The following ANKS1B variants were observed in gnomAD, a reference collection of about 807,000 sequenced individuals.
ANKS1B encodes the protein ankyrin repeat and sterile alpha motif domain containing 1B, also known as ankyrin repeat and sterile alpha motif domain-containing protein 1B.
A neutral mutation model predicts 148.3 loss-of-function variants in ANKS1B; 36 were observed. The ratio of observed to expected loss-of-function variants is 0.24; its 90% confidence interval spans 0.19 to 0.32. The LOEUF is 0.32. ANKS1B is among the 10% of genes least tolerant of loss of function. The pLI is 1.00. For synonymous variants in ANKS1B, 542 were observed against 560.8 expected, an observed-to-expected ratio of 0.97 and a Z score of 0.47; for missense variants, 1,157 against 1,542.6, an observed-to-expected ratio of 0.75 and a Z score of 4.19.
chr12:99,220,449 C>CTTTTTTT (rs5800380), intron 14 of ANKS1B, among the ~76,000 whole-genome samples: 3 of 112,712 alleles, frequency 2.7e-5, no homozygotes, highest in Non-Finnish European at 3.6e-5. Flanking sequence ...AGTAGCATTT[C>CTTTTTTT]TTTTTTTTTT....
intron 9 of ANKS1B, among the ~76,000 whole-genome samples, chr12:99,616,944 A>C (rs758385873): frequency 3.3e-5 from 5 of 151,298 alleles, no homozygotes; most frequent in Non-Finnish European, 5.9e-5. Flanking sequence ...AATTTACAAG[A>C]AAAAAAAACA....
At chr12:99,319,476 G>C (rs932350402) in intron 12 of ANKS1B, among the ~76,000 whole-genome samples, 1 of 152,190 alleles carries the variant, frequency 6.6e-6, no homozygotes, top group Non-Finnish European at 1.5e-5. Context: ...TGTTTTATCA[G>C]AGACTAGGAC....
At chr12:99,206,600 C>T (rs2712660) in intron 14 of ANKS1B, among the ~76,000 whole-genome samples, 129,079 of 152,180 alleles carry the variant, frequency 0.85, 55,304 homozygotes, top group East Asian at 0.99. Flanking sequence ...TCTTCCACCC[C>T]GAAGGTAAAA....
At chr12:99,782,791 T>A (rs1176039335) in intron 4 of ANKS1B, among the ~76,000 whole-genome samples, 1 of 152,188 alleles carries the variant, frequency 6.6e-6, no homozygotes, top group Non-Finnish European at 1.5e-5. Flanking sequence ...CCTCATATAT[T>A]CACATTCTAT....
intron 11 of ANKS1B, among the ~76,000 whole-genome samples, chr12:99,418,145 T>C (rs2152702228): frequency 6.6e-6 from 1 of 152,192 alleles, no homozygotes; most frequent in Non-Finnish European, 1.5e-5. Context: ...AGCACAACAC[T>C]CAATGGTATA....
intron 17 of ANKS1B, among the ~76,000 whole-genome samples, chr12:98,845,781 C>T (rs1045498603): frequency 2.7e-5 from 4 of 150,726 alleles, no homozygotes; most frequent in African/African-American, 7.3e-5. Flanking sequence ...TTCAATGCTG[C>T]GTATTAACAT....
At chr12:98,870,726 C>T (rs1211511608) in intron 17 of ANKS1B, among the ~76,000 whole-genome samples, 1 of 152,258 alleles carries the variant, frequency 6.6e-6, no homozygotes, top group African/African-American at 2.4e-5. Flanking sequence ...TTCTGTCCAG[C>T]ACACAGCCTC....
chr12:99,174,872 G>A (rs2078197074), intron 14 of ANKS1B, among the ~76,000 whole-genome samples: 1 of 152,074 alleles, frequency 6.6e-6, no homozygotes, highest in Admixed American at 6.6e-5. Flanking sequence ...AATAGTCATT[G>A]AATTCCTCTT....
chr12:99,149,873 G>A (rs915049837), intron 15 of ANKS1B, among the ~76,000 whole-genome samples: 2 of 152,106 alleles, frequency 1.3e-5, no homozygotes, highest in African/African-American at 2.4e-5. Flanking sequence ...GAGCGATGGT[G>A]ATTATGTGAA....
chr12:99,953,593 G>GA (rs5800394), intron 1 of ANKS1B, among the ~76,000 whole-genome samples: 10,411 of 142,202 alleles, frequency 0.073, 412 homozygotes, highest in Non-Finnish European at 0.084. Flanking sequence ...GTTGTTTAAG[G>GA]AAAAAAAAAA....
intron 15 of ANKS1B, among the ~76,000 whole-genome samples, chr12:99,103,521 T>C (rs993988486): frequency 3.3e-5 from 5 of 152,246 alleles, no homozygotes; most frequent in African/African-American, 1.2e-4. Context: ...TCATCTTACA[T>C]ATACATTTTT....
intron 10 of ANKS1B, among the ~76,000 whole-genome samples, chr12:99,495,243 C>T (rs1270941113): frequency 1.3e-5 from 2 of 152,098 alleles, no homozygotes; most frequent in African/African-American, 2.4e-5. Context: ...ATCAAATCAT[C>T]AACCTAGCAG....
At chr12:99,385,470 A>G (rs2093822361) in intron 12 of ANKS1B, among the ~76,000 whole-genome samples, 1 of 152,200 alleles carries the variant, frequency 6.6e-6, no homozygotes, top group Non-Finnish European at 1.5e-5. Context: ...CTGTGTCAAA[A>G]GTAATAATAA....
intron 17 of ANKS1B, among the ~76,000 whole-genome samples, chr12:98,833,153 C>G (rs1051606888): frequency 1.3e-5 from 2 of 152,130 alleles, no homozygotes; most frequent in African/African-American, 2.4e-5. Context: ...ATTCCCGGTG[C>G]TTTACCAGGG....
intron 8 of ANKS1B, among the ~76,000 whole-genome samples, chr12:99,733,358 A>C (rs2059343260): frequency 6.6e-6 from 1 of 152,168 alleles, no homozygotes; most frequent in Non-Finnish European, 1.5e-5. Context: ...AAAGCCTGAA[A>C]CTGAACTACA....
intron 14 of ANKS1B, among the ~76,000 whole-genome samples, chr12:99,233,705 G>A (rs1291313899): frequency 1.3e-5 from 2 of 152,026 alleles, no homozygotes; most frequent in Non-Finnish European, 2.9e-5. Context: ...TCTTAGTCCT[G>A]GACAGTTGAC....
intron 12 of ANKS1B, among the ~76,000 whole-genome samples, chr12:99,345,890 C>G (rs1478557553): frequency 6.6e-6 from 1 of 151,920 alleles, no homozygotes; most frequent in East Asian, 1.9e-4. Context: ...CACGGATAAC[C>G]TTCACAAAAT....
At chr12:99,348,803 C>T (rs1000043523) in intron 12 of ANKS1B, among the ~76,000 whole-genome samples, 13 of 151,962 alleles carry the variant, frequency 8.6e-5, no homozygotes, top group African/African-American at 2.9e-4. Context: ...GGGAGTTCTT[C>T]ATATTGAAAC....
rs1485439931 is a variant in ANKS1B, at chr12:99,648,010, A to G, written c.1272+7057T>C. 1.2e-5 allele frequency: 11 copies of G among 935,220 alleles called. 1 individual carries two copies. The highest frequency in any genetic ancestry group is 3.6e-5 in the South Asian group (2 of 55,364). 57.9% of individuals were successfully genotyped at this position (935,220 alleles called of 1,614,324 possible). A position where few individuals can be genotyped will look rare whatever the true frequency, so the allele number is the denominator to read the frequency against. On this transcript the variant is annotated intron_variant, in intron 9 of 26. Transcript: ENST00000683438. ...TGGCATTGAGCGGTTGGTAATCAAT[A>G]CCCCACCCTCCCTGTTCTCAGTCAC... is the stretch of plus-strand genomic sequence containing the variant.
Sources: gnomAD v4.1 joint callset for allele counts (sites outside exome capture counted in the v4.1 genomes callset) on GRCh38, gnomAD v4.1.1 for gene constraint, MANE v1.5 for transcripts, NCBI Gene and HGNC (gene_info 2026-07-23, HGNC 2026-07-21) for gene names.